Variants in ATP1A4 observed in about 807,000 individuals in gnomAD.
ATP1A4 encodes the protein sodium/potassium-transporting ATPase subunit alpha-4.
In ATP1A4, 90 loss-of-function variants were observed where a neutral mutation model predicts 114.3. The observed-to-expected ratio is 0.79, with a 90% CI of 0.66 to 0.94. The LOEUF (loss-of-function observed/expected upper bound fraction) is 0.94, where lower values mean the gene tolerates loss of function less well. Among genes scored for constraint, ATP1A4 ranks in the 40% least tolerant of loss-of-function variants. The probability of loss-of-function intolerance (pLI) is 0.00; values close to 1 mark genes in which losing one functional copy is unlikely to be tolerated. For synonymous variants in ATP1A4, 511 were observed against 494.1 expected, an observed-to-expected ratio of 1.03 and a Z score of -0.45; for missense variants, 1,222 against 1,313.6, an observed-to-expected ratio of 0.93 and a Z score of 1.08.
chr1:160,155,520 A>G (rs1319182891), intron 3 of ATP1A4, among the ~76,000 whole-genome samples: 1 of 152,154 alleles, frequency 6.6e-6, no homozygotes, highest in African/African-American at 2.4e-5. Flanking sequence ...ATTACATAAT[A>G]ATGTAATAAA....
At chr1:160,153,100 TC>T in intron 1 of ATP1A4, 64 bp from the exon 2 acceptor site, 1 of 1,301,766 alleles carries the variant, frequency 7.7e-7, no homozygotes. Flanking sequence ...AGTCTGTTTC[TC>T]CCCCTCTCCC....
At chr1:160,156,009 G>A (rs568231726) in intron 3 of ATP1A4, 36 bp from the exon 4 acceptor site, 50 of 1,275,380 alleles carry the variant, frequency 3.9e-5, no homozygotes, top group Non-Finnish European at 5.5e-5. Context: ...AGACGACAAG[G>A]TCCCACTGAT....
rs973717352 is a variant in ATP1A4, at chr1:160,182,000, A to T, written c.2938A>T (p.Met980Leu). 2.2e-5 allele frequency: 35 copies of T among 1,614,038 alleles called. No homozygotes were observed. Among genetic ancestry groups the T allele is most frequent in the Non-Finnish European group, 1.7e-5 (20 of 1,180,024 alleles). Residue 980 changes from methionine to leucine, a missense_variant, in exon 20 of 22, where the codon ATG becomes TTG. By Grantham distance (15) the Met-to-Leu change is conservative (BLOSUM62 2). Coordinates refer to ENST00000368081, the MANE Select transcript of ATP1A4 (RefSeq NM_144699.4). Reference protein sequence around the residue: ...LAAFLSYTPGMDVALRMYPLK... With the variant: ...LAAFLSYTPGLDVALRMYPLK... The stretch of plus-strand genomic sequence containing the variant: ...TGCATTTCTGTCCTACACTCCAGGC[A>T]TGGACGTGGCCCTGCGAATGTACCC...
intron 18 of ATP1A4, among the ~76,000 whole-genome samples, chr1:160,179,010 G>A (rs1175694184): frequency 6.6e-6 from 1 of 152,220 alleles, no homozygotes. Flanking sequence ...GGAAGATTCT[G>A]TAACTTGCTT....
intron 2 of ATP1A4, 31 bp downstream of exon 2, chr1:160,153,255 A>C: frequency 6.3e-7 from 1 of 1,590,144 alleles, no homozygotes. Flanking sequence ...GGAGGCAGAG[A>C]GTCTCCAACT....
intron 2 of ATP1A4, 96 bp downstream of exon 2, chr1:160,153,320 T>A: frequency 8.8e-7 from 1 of 1,134,724 alleles, no homozygotes; most frequent in Non-Finnish European, 1.3e-6. Context: ...CCCCCTAACT[T>A]CAAGTCCAAC....
chr1:160,170,135 C>CA (rs1157330994), intron 10 of ATP1A4: 1 of 152,054 alleles, frequency 6.6e-6, no homozygotes, highest in African/African-American at 2.4e-5. Context: ...GCTAAAAATG[C>CA]AAAAAATCAG....
chr1:160,181,907 C>A, intron 19 of ATP1A4, 23 bp from the exon 20 acceptor site: 1 of 1,613,732 alleles, frequency 6.2e-7, no homozygotes. Flanking sequence ...CTCCCCGCCA[C>A]ACCCATGAAT....
rs1235502075 is a variant in ATP1A4 at position 160,173,475 on chromosome 1, AC to A, written c.1855-103del. The A allele has an allele frequency of 4.0e-5, 59 of 1,481,594 alleles. No individual in the cohort carries two copies. The East Asian group carries it at 1.3e-3, about 33-fold the overall frequency. The allele number at this position is 1,481,594 out of a possible 1,614,324, so 91.8% of individuals were successfully genotyped here. ...AAGTTCTTGGGAATGAGCGACTAAA[AC>A]CCTTGTTGAAAAAAGCAGTGGTCTG... is the stretch of plus-strand genomic sequence containing the variant. On this transcript the variant is annotated intron_variant, in intron 12 of 21. Coordinates refer to ENST00000368081, the MANE Select transcript of ATP1A4 (RefSeq NM_144699.4).
chr1:160,183,448 C>G lies in ATP1A4; in HGVS notation c.2969+1417C>G, dbSNP rs930622917. ...GCACCTAATCTTGCGATTCTGTATT[C>G]TGTGTGTGTGTGTGTTCACCCTCTT... On this transcript the variant is annotated intron_variant, in intron 20 of 21. Coordinates refer to ENST00000368081, the MANE Select transcript of ATP1A4 (RefSeq NM_144699.4). 3.3e-5 allele frequency: 5 copies of G among 151,896 alleles called. 1 individual carries two copies. Among genetic ancestry groups the G allele is most frequent in the South Asian group, 4.1e-4 (2 of 4,820 alleles). 9.4% of individuals were successfully genotyped at this position (151,896 alleles called of 1,614,324 possible).
chr1:160,156,242 A>G, intron 4 of ATP1A4, 84 bp downstream of exon 4: 3 of 946,326 alleles, frequency 3.2e-6, no homozygotes, highest in Non-Finnish European at 5.1e-6. Flanking sequence ...GGAAAATTAT[A>G]TCCTATGATA....
At chr1:160,167,754 G>C (rs574911978) in intron 10 of ATP1A4, among the ~76,000 whole-genome samples, 1 of 152,312 alleles carries the variant, frequency 6.6e-6, no homozygotes, top group African/African-American at 2.4e-5. Context: ...CTGTTAGGAG[G>C]CCCCTCTGTG....
Position 160,153,997 on chromosome 1 carries a change from A to G in ATP1A4, c.207+773A>G, listed in dbSNP as rs369429622. The stretch of plus-strand genomic sequence containing the variant: ...ATCATTTTCATTAACAGGAAAAAGC[A>G]CATAAGCTTGTGCACAAGAGTGGAA... On this transcript the variant is annotated intron_variant, in intron 2 of 21. Coordinates refer to ENST00000368081, the MANE Select transcript of ATP1A4 (RefSeq NM_144699.4). Among the ~76,000 whole-genome samples, 11 of 152,300 alleles carry G rather than the reference A, an allele frequency of 7.2e-5. No homozygotes were observed. In the East Asian group the frequency reaches 1.5e-3, roughly 21 times the overall value.
chr1:160,171,409 A>C lies in ATP1A4; in HGVS notation c.1650A>C (p.Leu550Phe). The change falls in exon 11 of 22, where the codon TTA becomes TTC. Residue 550 changes from leucine to phenylalanine, a missense_variant. Physicochemically the swap from Leu to Phe is conservative, Grantham distance 22 (BLOSUM62 0). Transcript: ENST00000368081. ...AGGAAGCCTTCCAAAATGCCTACTT[A>C]GAACTGGGAGGTCTGGGGGAACGTG... Reference protein sequence around the residue: ...EMKEAFQNAYLELGGLGERVL... With the variant: ...EMKEAFQNAYFELGGLGERVL... The C allele has an allele frequency of 6.2e-7, 1 of 1,614,178 alleles. No individual in the cohort carries two copies. The highest frequency in any genetic ancestry group is 8.5e-7 in the Non-Finnish European group (1 of 1,180,024).
At chr1:160,174,539 T>C in intron 14 of ATP1A4, 40 bp from the exon 15 acceptor site, 2 of 1,598,226 alleles carry the variant, frequency 1.3e-6, no homozygotes, top group South Asian at 1.1e-5. Context: ...CTGGATCTGA[T>C]GCAATAAATT....
chr1:160,163,339 G>T (rs760683087), intron 6 of ATP1A4, among the ~76,000 whole-genome samples: 5 of 152,116 alleles, frequency 3.3e-5, no homozygotes, highest in South Asian at 2.1e-4. Context: ...AGATCCCACA[G>T]GTTAGGGCTC....
chr1:160,164,920 T>C (rs1025125692), intron 7 of ATP1A4, among the ~76,000 whole-genome samples: 2 of 152,268 alleles, frequency 1.3e-5, no homozygotes, highest in Non-Finnish European at 2.9e-5. Context: ...TGTCTTGCTC[T>C]ATTTACATTT....
rs1224094430 is a variant in ATP1A4 at position 160,164,202 on chromosome 1, G to A, written c.825G>A (p.Met275Ile). The A allele has an allele frequency of 1.9e-6, 3 of 1,614,088 alleles. No individual in the cohort carries two copies. In the East Asian group the frequency reaches 6.7e-5, roughly 36 times the overall value. Reference sequence around the variant, plus strand: ...TTGCTACGGGAGACTCCACAGTGATGGGCAGAATTGCCTCCCTGACGTCAG... The same window carrying A: ...TTGCTACGGGAGACTCCACAGTGATAGGCAGAATTGCCTCCCTGACGTCAG... ...IVIATGDSTV[M>I]GRIASLTSGL... Residue 275 changes from methionine to isoleucine, a missense_variant, in exon 7 of 22, where the codon ATG becomes ATA. Physicochemically the swap from Met to Ile is conservative, Grantham distance 10. Transcript: ENST00000368081.
At chr1:160,163,413 T>A (rs888223698) in intron 6 of ATP1A4, among the ~76,000 whole-genome samples, 1 of 152,222 alleles carries the variant, frequency 6.6e-6, no homozygotes, top group African/African-American at 2.4e-5. Flanking sequence ...GGCCTGGCTA[T>A]AAATTGGGGT....
Sources: allele counts gnomAD v4.1 joint callset (sites outside exome capture counted in the v4.1 genomes callset), GRCh38; gene constraint gnomAD v4.1.1; transcripts MANE v1.5; gene names NCBI Gene and HGNC (gene_info 2026-07-23, HGNC 2026-07-21).